EGF: variants seen among roughly 807,000 people sequenced by gnomAD.
EGF encodes the protein epidermal growth factor.
Under a neutral mutation model 143.8 loss-of-function variants are expected in EGF, and 95 were observed. That is an observed-to-expected ratio of 0.66 (90% CI 0.56 to 0.78). The LOEUF (loss-of-function observed/expected upper bound fraction) is 0.78, where lower values mean the gene tolerates loss of function less well. Among genes scored for constraint, EGF ranks in the 30% least tolerant of loss-of-function variants. The probability of loss-of-function intolerance (pLI) is 0.00; values close to 1 mark genes in which losing one functional copy is unlikely to be tolerated. For synonymous variants in EGF, 510 were observed against 510.5 expected (o/e 1.00, Z 0.01); for missense variants, 1,320 against 1,470.9 (o/e 0.90, Z 1.68).
At chr4:109,954,196 C>T (rs1393680313) in intron 5 of EGF, among the ~76,000 whole-genome samples, 3 of 152,082 alleles carry the variant, frequency 2.0e-5, no homozygotes, top group African/African-American at 7.2e-5. Flanking sequence ...GGACTACAGG[C>T]ACATGCCACC....
At position 109,924,421 on chromosome 4, in the gene EGF, T is replaced by C. The variant is rs377027071; in HGVS notation, c.127+10959T>C. Among the ~76,000 whole-genome samples the C allele has an allele frequency of 6.6e-5, 10 of 151,668 alleles. No homozygotes were observed. In the East Asian group the frequency reaches 1.2e-3, roughly 18 times the overall value. ...GTTGAAAGCACTTTGAAAGTAGGAT[T>C]GAATAAATGAAATTTCCTTTTATAT... On this transcript the variant is annotated intron_variant, in intron 1 of 23. Transcript: ENST00000265171.
chr4:109,924,746 T>G (rs935139935), intron 1 of EGF, among the ~76,000 whole-genome samples: 1 of 152,222 alleles, frequency 6.6e-6, no homozygotes, highest in African/African-American at 2.4e-5. Context: ...AAGGGCAGTC[T>G]TGACACCTTT....
intron 15 of EGF, among the ~76,000 whole-genome samples, chr4:109,982,964 AC>A (rs1395064891): frequency 1.3e-5 from 2 of 152,166 alleles, no homozygotes; most frequent in Admixed American, 1.3e-4. Context: ...TTAAATCATG[AC>A]TTTTTAATGT....
intron 21 of EGF, 68 bp downstream of exon 21, chr4:109,999,914 T>G (rs1752343250): frequency 6.2e-7 from 1 of 1,602,124 alleles, no homozygotes; most frequent in Non-Finnish European, 8.5e-7. Flanking sequence ...GCCTGTCTCC[T>G]TGAGATGAGA....
intron 5 of EGF, among the ~76,000 whole-genome samples, chr4:109,946,358 A>G (rs1248485590): frequency 6.6e-6 from 1 of 152,198 alleles, no homozygotes; most frequent in African/African-American, 2.4e-5. Flanking sequence ...TGCTCTAGTG[A>G]TCTCTGCCCT....
At chr4:109,948,209 A>G (rs910481578) in intron 5 of EGF, among the ~76,000 whole-genome samples, 2 of 152,264 alleles carry the variant, frequency 1.3e-5, no homozygotes, top group Non-Finnish European at 2.9e-5. Flanking sequence ...CCTGGAAGAC[A>G]GTTGGCATTG....
intron 13 of EGF, among the ~76,000 whole-genome samples, chr4:109,977,998 G>A (rs1438202669): frequency 1.3e-5 from 2 of 152,066 alleles, no homozygotes; most frequent in Non-Finnish European, 2.9e-5. Flanking sequence ...CATTTATATT[G>A]CTACTATATT....
intron 21 of EGF, among the ~76,000 whole-genome samples, chr4:110,000,483 T>C (rs1158341869): frequency 6.6e-6 from 1 of 152,206 alleles, no homozygotes; most frequent in Non-Finnish European, 1.5e-5. Flanking sequence ...TAATTTTTCA[T>C]TGCTGCCTTC....
chr4:109,916,210 G>T (rs915570530), intron 1 of EGF, among the ~76,000 whole-genome samples: 1 of 152,144 alleles, frequency 6.6e-6, no homozygotes, highest in East Asian at 1.9e-4. Flanking sequence ...ACCGGCTAAG[G>T]CGTGGTCAGC....
At chr4:109,953,383 G>A (rs1237415014) in intron 5 of EGF, among the ~76,000 whole-genome samples, 1 of 152,130 alleles carries the variant, frequency 6.6e-6, no homozygotes, top group Admixed American at 6.5e-5. Context: ...TTCTGTCACT[G>A]TTTATGCATA....
intron 10 of EGF, among the ~76,000 whole-genome samples, chr4:109,967,224 G>A (rs1487926963): frequency 2.0e-5 from 3 of 152,122 alleles, no homozygotes; most frequent in Non-Finnish European, 4.4e-5. Context: ...TTTATATGGT[G>A]AGAGATAAGA....
chr4:109,963,395 A>G (rs1746030516), intron 9 of EGF, 97 bp downstream of exon 9: 1 of 1,537,472 alleles, frequency 6.5e-7, no homozygotes. Flanking sequence ...ATGGTTTTGT[A>G]TTTTTGAAAT....
At position 109,993,248 on chromosome 4, in the gene EGF, T is replaced by C; in HGVS notation, c.2736T>C (p.Asp912=). ...CCCGTACTCTGTCTTTTCTGACAGATATTGATGAGTGCCAACTGGGGGAGC... is the reference window on the plus strand; with the variant it reads ...CCCGTACTCTGTCTTTTCTGACAGACATTGATGAGTGCCAACTGGGGGAGC... ...GYQGDGIHCL[D]IDECQLGEHS... Residue 912 remains aspartate, a splice_region_variant and synonymous_variant, in exon 19 of 24, where the codon GAT becomes GAC. Coordinates refer to ENST00000265171, the MANE Select transcript of EGF (RefSeq NM_001963.6). 1 of 1,613,706 alleles carries C rather than the reference T, an allele frequency of 6.2e-7. No homozygotes were observed. The highest frequency in any genetic ancestry group is 8.5e-7 in the Non-Finnish European group (1 of 1,179,868).
intron 6 of EGF, among the ~76,000 whole-genome samples, chr4:109,960,259 G>C (rs769108436): frequency 4.6e-5 from 7 of 152,196 alleles, no homozygotes; most frequent in Non-Finnish European, 8.8e-5. Flanking sequence ...GCTTTCAAGA[G>C]TCCCTAACTG....
chr4:109,959,384 T>C lies in EGF; in HGVS notation c.1013T>C (p.Leu338Ser). The part of the protein sequence containing the change: ...TVCGQDLQSH[L>S]CMCAEGYALS... ...TGTGGGCAAGACCTCCAGTCACACT[T>C]GTGCATGTGTGCAGAGGGATACGCC... The change falls in exon 6 of 24, where the codon TTG (leucine) becomes TCG (serine). Residue 338 changes from leucine to serine, a missense_variant. Physicochemically the swap from Leu to Ser is moderately radical, Grantham distance 145. Coordinates refer to ENST00000265171, the MANE Select transcript of EGF (RefSeq NM_001963.6). 6.2e-7 allele frequency: 1 copy of C among 1,613,350 alleles called. No individual in the cohort carries two copies. Among genetic ancestry groups the C allele is most frequent in the Non-Finnish European group, 8.5e-7 (1 of 1,179,902 alleles).
rs78978513 is a variant in EGF at position 109,930,463 on chromosome 4, A to G, written c.128-10483A>G. Among the ~76,000 whole-genome samples, 332 of 152,188 alleles carry G rather than the reference A, an allele frequency of 2.2e-3. 2 individuals carry two copies. Among genetic ancestry groups the G allele is most frequent in the African/African-American group, 7.6e-3 (314 of 41,522 alleles). ...CATTCTTTTCTCATGGTGTCACTGA[A>G]GTTTTTGAGGTCCAGAAGCTCCCTT... On this transcript the variant is annotated intron_variant, in intron 1 of 23. Coordinates refer to ENST00000265171, the MANE Select transcript of EGF (RefSeq NM_001963.6).
At position 109,968,962 on chromosome 4, in the gene EGF, C is replaced by G; in HGVS notation, c.1576-9C>G. On this transcript the variant is annotated splice_polypyrimidine_tract_variant and intron_variant, in intron 10 of 23. Coordinates refer to ENST00000265171, the MANE Select transcript of EGF (RefSeq NM_001963.6). ...AAAAAATCAGAAATGCCTGTGTTCT[C>G]TTTTGTAGATATACTTTGCCCATAC... 6.2e-7 allele frequency: 1 copy of G among 1,613,990 alleles called. No individual in the cohort carries two copies. Among genetic ancestry groups the G allele is most frequent in the South Asian group, 1.1e-5 (1 of 91,064 alleles).
intron 1 of EGF, among the ~76,000 whole-genome samples, chr4:109,917,613 G>A (rs1158155274): frequency 6.6e-6 from 1 of 151,848 alleles, no homozygotes; most frequent in Non-Finnish European, 1.5e-5. Context: ...GTGATCAGTT[G>A]GTTTTTTATT....
chr4:109,961,054 G>C, intron 7 of EGF, 65 bp downstream of exon 7: 1 of 1,580,432 alleles, frequency 6.3e-7, no homozygotes, highest in Non-Finnish European at 8.7e-7. Context: ...TTCTAAGGTG[G>C]CTATGATCTG....
Sources: gnomAD v4.1 joint callset for allele counts (sites outside exome capture counted in the v4.1 genomes callset) on GRCh38, gnomAD v4.1.1 for gene constraint, MANE v1.5 for transcripts, NCBI Gene and HGNC (gene_info 2026-07-23, HGNC 2026-07-21) for gene names.